SPTBN4: variants seen among roughly 807,000 people sequenced by gnomAD.
SPTBN4 encodes spectrin beta, non-erythrocytic 4.
Under a neutral mutation model 277.8 loss-of-function variants are expected in SPTBN4, and 96 were observed. That is an observed-to-expected ratio of 0.35 (90% CI 0.29 to 0.41). The LOEUF is 0.41. Among genes scored for constraint, SPTBN4 ranks in the 10% least tolerant of loss-of-function variants. The probability of loss-of-function intolerance (pLI) is 1.00; values close to 1 mark genes in which losing one functional copy is unlikely to be tolerated. For synonymous variants in SPTBN4, 1,481 were observed against 1,580.3 expected, an observed-to-expected ratio of 0.94 and a Z score of 1.49; for missense variants, 3,006 against 3,595.7, an observed-to-expected ratio of 0.84 and a Z score of 4.19.
chr19:40,530,401 AGAGGCGGGCAGG>A, intron 18 of SPTBN4: 1 of 690,124 alleles, frequency 1.4e-6, no homozygotes, highest in Non-Finnish European at 1.8e-6. Flanking sequence ...GGCCCCGCAA[AGAGGCGGGCAGG>A]GAGGCAGGCA....
At chr19:40,478,558 T>C (rs1411642767) in intron 2 of SPTBN4, among the ~76,000 whole-genome samples, 4 of 152,070 alleles carry the variant, frequency 2.6e-5, no homozygotes, top group Non-Finnish European at 4.4e-5. Flanking sequence ...TTATTTTATT[T>C]TTTTTGAGAC....
intron 3 of SPTBN4, among the ~76,000 whole-genome samples, chr19:40,488,332 A>G (rs965966309): frequency 6.2e-4 from 94 of 152,020 alleles, no homozygotes; most frequent in Non-Finnish European, 2.6e-4. Context: ...GTCGGTGTCT[A>G]GGGACGCAGA....
chr19:40,529,185 A>G, intron 18 of SPTBN4, 54 bp downstream of exon 18: 7 of 1,293,832 alleles, frequency 5.4e-6, no homozygotes, highest in Non-Finnish European at 7.8e-6. Flanking sequence ...TCGGGAGGGA[A>G]GTGCTTCTCG....
At chr19:40,505,354 A>G (rs814522) in intron 12 of SPTBN4, among the ~76,000 whole-genome samples, 98,830 of 141,282 alleles carry the variant, frequency 0.7, 36,231 homozygotes, top group African/African-American at 0.9. Context: ...CTACACTTCA[A>G]CCTGGATGAC....
chr19:40,477,529 G>A (rs2079962833), intron 2 of SPTBN4, among the ~76,000 whole-genome samples: 1 of 152,134 alleles, frequency 6.6e-6, no homozygotes, highest in South Asian at 2.1e-4. Context: ...GGTAGGGGAG[G>A]CACAGGCAGA....
chr19:40,504,041 G>T lies in SPTBN4; in HGVS notation c.1574G>T (p.Gly525Val), dbSNP rs955420435. ...TGGGCCCTGCTAACTGGGCTTGTGGGTGCCCGGCGGACACGACTTGAGCAG... is the reference window on the plus strand; with the variant it reads ...TGGGCCCTGCTAACTGGGCTTGTGGTTGCCCGGCGGACACGACTTGAGCAG... The part of the protein sequence containing the change: ...RQWALLTGLV[G>V]ARRTRLEQNL... The change falls in exon 12 of 36, where the codon GGT becomes GTT. Residue 525 changes from glycine (G) to valine (V), a missense_variant. Physicochemically the swap from Gly to Val is moderately radical, Grantham distance 109. This residue lies in a region of SPTBN4 where 1,759 missense variants were observed against 2,061.5 expected (regional missense o/e 0.85). Coordinates refer to ENST00000598249, the MANE Select transcript of SPTBN4 (RefSeq NM_020971.3). The T allele has an allele frequency of 1.9e-6, 3 of 1,613,078 alleles. No individual in the cohort carries two copies. The highest frequency in any genetic ancestry group is 1.7e-6 in the Non-Finnish European group (2 of 1,179,424).
chr19:40,489,756 G>T (rs1048606285), intron 3 of SPTBN4, among the ~76,000 whole-genome samples: 2 of 149,532 alleles, frequency 1.3e-5, no homozygotes, highest in Non-Finnish European at 2.9e-5. Flanking sequence ...TGAGACTATG[G>T]GCTAGGAGGG....
rs200490659 is a variant in SPTBN4, at chr19:40,572,405, C to A, written c.7536+25C>A. On this transcript the variant is annotated intron_variant, in intron 35 of 35. Transcript: ENST00000598249. ...GGTGAGATCTGGTCCTTTCCTCCCT[C>A]TGTGTGGACCTCAGTAATGACCTGG... The A allele has an allele frequency of 5.2e-4, 840 of 1,613,982 alleles. 1 individual carries two copies. Among genetic ancestry groups the A allele is most frequent in the Admixed American group, 1.1e-3 (66 of 60,012 alleles).
At chr19:40,508,850 G>C (rs142810491) in intron 13 of SPTBN4, among the ~76,000 whole-genome samples, 1 of 152,046 alleles carries the variant, frequency 6.6e-6, no homozygotes, top group African/African-American at 2.4e-5. Context: ...TTTTGATCTA[G>C]GTGGTGGGAG....
chr19:40,504,167 C>T, intron 12 of SPTBN4, 35 bp downstream of exon 12: 1 of 1,472,874 alleles, frequency 6.8e-7, no homozygotes, highest in East Asian at 2.3e-5. Flanking sequence ...GGGTGGAGTG[C>T]CAGGAGGGAG....
In SPTBN4 at chr19:40,567,685, A is replaced by T; in HGVS notation, c.6359A>T (p.Gln2120Leu). 2 of 1,544,932 alleles carry T rather than the reference A, an allele frequency of 1.3e-6. No homozygotes were observed. Among genetic ancestry groups the T allele is most frequent in the South Asian group, 1.2e-5 (1 of 83,868 alleles). ...CAGATCGAGAAAATCAAAGCGGAAC[A>T]GAGCAAGCAGCCGCCTACCCCACTG... ...LTTIEKIKAE[Q>L]SKQPPTPLLG... is the part of the protein sequence containing the mutation. Residue 2120 changes from glutamine to leucine, a missense_variant, in exon 31 of 36, where the codon CAG becomes CTG. Transcript: ENST00000598249.
At chr19:40,469,214 T>C (rs2079857562) in intron 1 of SPTBN4, among the ~76,000 whole-genome samples, 1 of 152,150 alleles carries the variant, frequency 6.6e-6, no homozygotes, top group South Asian at 2.1e-4. Flanking sequence ...GGCAATTGTC[T>C]GGGTCTTTTG....
At chr19:40,504,283 CAA>C (rs1236353614) in intron 12 of SPTBN4, 151 bp downstream of exon 12, 15 of 793,422 alleles carry the variant, frequency 1.9e-5, no homozygotes, top group Middle Eastern at 3.8e-4. Flanking sequence ...AAAGAGAGAA[CAA>C]GAGAGAGAGG....
At chr19:40,512,429 T>C (rs1195362105) in intron 13 of SPTBN4, among the ~76,000 whole-genome samples, 177 bp from the exon 14 acceptor site, 1 of 151,926 alleles carries the variant, frequency 6.6e-6, no homozygotes, top group Non-Finnish European at 1.5e-5. Flanking sequence ...CCTGAGAGGG[T>C]CGAGGAGGAG....
rs969213617 is a variant in SPTBN4 at position 40,528,385 on chromosome 19, C to T, written c.3858-656C>T. Reference sequence around the variant, plus strand: ...GGGCCTCGCTCTGCCTGCAGGAGTGCCCACTTCAGCTTCTCTGCGACTCTG... The same window carrying T: ...GGGCCTCGCTCTGCCTGCAGGAGTGTCCACTTCAGCTTCTCTGCGACTCTG... On this transcript the variant is annotated intron_variant, in intron 17 of 35. Coordinates refer to ENST00000598249, the MANE Select transcript of SPTBN4 (RefSeq NM_020971.3). 1.6e-4 allele frequency among the ~76,000 whole-genome samples: 25 copies of T among 152,306 alleles called. No homozygotes were observed. The East Asian group carries it at 4.8e-3, about 29-fold the overall frequency.
chr19:40,554,140 C>T lies in SPTBN4; in HGVS notation c.4675-7C>T. 4 of 1,438,096 alleles carry T rather than the reference C, an allele frequency of 2.8e-6. No individual in the cohort carries two copies. The highest frequency in any genetic ancestry group is 3.6e-6 in the Non-Finnish European group (4 of 1,111,706). 89.1% of individuals were successfully genotyped at this position (1,438,096 alleles called of 1,614,324 possible). On this transcript the variant is annotated splice_region_variant and splice_polypyrimidine_tract_variant and intron_variant, in intron 22 of 35. Transcript: ENST00000598249. The surrounding 1 kb of genome is among the most constrained non-coding windows in gnomAD (Gnocchi z 5.7). Reference sequence around the variant, plus strand: ...TCCACCCACATCCCCTTACCTCCTGCCCCCAGGGCCTGCGGCGGGAGATCC... The same window carrying T: ...TCCACCCACATCCCCTTACCTCCTGTCCCCAGGGCCTGCGGCGGGAGATCC...
In SPTBN4 at chr19:40,567,865, G is replaced by T. The variant is rs2081111309; in HGVS notation, c.6539G>T (p.Arg2180Leu). 3.3e-6 allele frequency: 5 copies of T among 1,525,694 alleles called. No homozygotes were observed. The highest frequency in any genetic ancestry group is 4.4e-6 in the Non-Finnish European group (5 of 1,138,354). 94.5% of individuals were successfully genotyped at this position (1,525,694 alleles called of 1,614,324 possible). A position where few individuals can be genotyped will look rare whatever the true frequency, so the allele number is the denominator to read the frequency against. ...GTGCGGACTCGGGTGGGGTATGTGC[G>T]CCAGGAGCTCAAGCCCGAGCGCCTC... ...AEVRTRVGYV[R>L]QELKPERLQP... The change falls in exon 31 of 36, where the codon CGC (arginine) becomes CTC (leucine). Residue 2180 changes from arginine (R) to leucine (L), a missense_variant. By Grantham distance (102) the Arg-to-Leu change is moderately radical. Transcript: ENST00000598249.
chr19:40,512,207 C>G (rs995343828), intron 13 of SPTBN4, among the ~76,000 whole-genome samples: 2 of 152,238 alleles, frequency 1.3e-5, no homozygotes, highest in African/African-American at 4.8e-5. Flanking sequence ...TATACAGAAT[C>G]TGAGATGCTC....
At chr19:40,505,726 G>T (rs2080319987) in intron 12 of SPTBN4, among the ~76,000 whole-genome samples, 1 of 149,834 alleles carries the variant, frequency 6.7e-6, no homozygotes, top group African/African-American at 2.5e-5. Context: ...AAGGAAGGAA[G>T]GAAGGAAGGA....
Sources: gnomAD v4.1 joint callset for allele counts (sites outside exome capture counted in the v4.1 genomes callset) on GRCh38, gnomAD v4.1.1 for gene constraint, gnomAD v4.1.1 regional missense constraint, Gnocchi (gnomAD v3.1) non-coding constraint, MANE v1.5 for transcripts, NCBI Gene and HGNC (gene_info 2026-07-23, HGNC 2026-07-21) for gene names.